Variants in NFKB1 observed in about 807,000 individuals in gnomAD.
NFKB1 encodes nuclear factor kappa B subunit 1, also known as nuclear factor NF-kappa-B p105 subunit.
A neutral mutation model predicts 105.1 loss-of-function variants in NFKB1; 9 were observed. The ratio of observed to expected loss-of-function variants is 0.09; its 90% CI spans 0.05 to 0.15. NFKB1 has a LOEUF of 0.15. Among genes scored for constraint, NFKB1 ranks in the 10% least tolerant of loss-of-function variants. The probability of loss-of-function intolerance (pLI) is 1.00; values close to 1 mark genes in which losing one functional copy is unlikely to be tolerated. For synonymous variants in NFKB1, 440 were observed against 442.2 expected, an observed-to-expected ratio of 1.00 and a Z score of 0.06; for missense variants, 830 against 1,203.7, an observed-to-expected ratio of 0.69 and a Z score of 4.59.
chr4:102,542,630 GT>G, intron 5 of NFKB1, among the ~76,000 whole-genome samples: 1 of 152,156 alleles, frequency 6.6e-6, no homozygotes, highest in Non-Finnish European at 1.5e-5. Flanking sequence ...TCCCCAAGAT[GT>G]TTTTATATTT....
rs77024822 is a variant in NFKB1, at chr4:102,535,631, G to C, written c.159+1746G>C. Reference sequence around the variant, plus strand: ...GATTAAAGGCAAAATTTTGATCTCAGAAATTTAGAATCAGAAATGCATCCA... The same window carrying C: ...GATTAAAGGCAAAATTTTGATCTCACAAATTTAGAATCAGAAATGCATCCA... On this transcript the variant is annotated intron_variant, in intron 4 of 23. Transcript: ENST00000226574. Among the ~76,000 whole-genome samples, 1,158 of 152,272 alleles carry C rather than the reference G, an allele frequency of 7.6e-3. 7 individuals are homozygous for C. Among genetic ancestry groups the C allele is most frequent in the African/African-American group, 0.022 (915 of 41,568 alleles).
chr4:102,502,944 T>C (rs990240129), intron 1 of NFKB1, among the ~76,000 whole-genome samples: 4 of 152,178 alleles, frequency 2.6e-5, no homozygotes, highest in Admixed American at 1.3e-4. Context: ...TATTCAATAA[T>C]TTTTTTCTAG....
Position 102,534,872 on chromosome 4 carries a change from G to A in NFKB1, c.159+987G>A, listed in dbSNP as rs184888559. 2.4e-3 allele frequency among the ~76,000 whole-genome samples: 364 copies of A among 152,264 alleles called. 1 individual carries two copies. The highest frequency in any genetic ancestry group is 8.5e-3 in the African/African-American group (352 of 41,554). ...CAAGCTTAAATAAAGCATCCACTGCGTTGTGGTTTCCAGAATCGTGACATT... is the reference window on the plus strand; with the variant it reads ...CAAGCTTAAATAAAGCATCCACTGCATTGTGGTTTCCAGAATCGTGACATT... On this transcript the variant is annotated intron_variant, in intron 4 of 23. Transcript: ENST00000226574.
chr4:102,593,939 C>T lies in NFKB1; in HGVS notation c.1210+371C>T, dbSNP rs1726390993. 3.3e-5 allele frequency among the ~76,000 whole-genome samples: 5 copies of T among 152,226 alleles called. No individual in the cohort carries two copies. The South Asian group carries it at 1.0e-3, about 32-fold the overall frequency. On this transcript the variant is annotated intron_variant, in intron 12 of 23. Transcript: ENST00000226574. ...CAATATAGCTATATATTAAACATCT[C>T]TATATACTACATTGTAGAAACTTTG...
intron 4 of NFKB1, among the ~76,000 whole-genome samples, chr4:102,536,218 G>C (rs4647993): frequency 2.6e-4 from 40 of 152,044 alleles, no homozygotes; most frequent in African/African-American, 9.4e-4. Context: ...AAAGGCATAG[G>C]GCTGAAATTG....
intron 11 of NFKB1, among the ~76,000 whole-genome samples, chr4:102,588,403 T>C (rs1725887915): frequency 6.6e-6 from 1 of 151,416 alleles, no homozygotes; most frequent in Non-Finnish European, 1.5e-5. Flanking sequence ...GAAGGATGAT[T>C]GGCAGAGGAG....
chr4:102,538,401 T>C (rs764704843), intron 5 of NFKB1, among the ~76,000 whole-genome samples: 25 of 152,236 alleles, frequency 1.6e-4, no homozygotes, highest in Non-Finnish European at 3.1e-4. Flanking sequence ...TGAATAGGTT[T>C]AACCAATACT....
At chr4:102,582,690 A>G (rs1445967517) in intron 9 of NFKB1, among the ~76,000 whole-genome samples, 176 bp from the exon 10 acceptor site, 1 of 152,228 alleles carries the variant, frequency 6.6e-6, no homozygotes, top group Non-Finnish European at 1.5e-5. Flanking sequence ...ACTGTGGTAA[A>G]TAATGAAAAA....
intron 6 of NFKB1, among the ~76,000 whole-genome samples, chr4:102,576,408 C>T (rs914247981): frequency 6.6e-6 from 1 of 152,082 alleles, no homozygotes; most frequent in African/African-American, 2.4e-5. Flanking sequence ...TTAAAATGAA[C>T]CCGGTAAGAC....
In NFKB1 at chr4:102,610,671, C is replaced by T; in HGVS notation, c.2324C>T (p.Thr775Met). The T allele has an allele frequency of 6.2e-7, 1 of 1,614,056 alleles. No homozygotes were observed. Among genetic ancestry groups the T allele is most frequent in the Non-Finnish European group, 8.5e-7 (1 of 1,179,948 alleles). The change falls in exon 20 of 24, where the codon ACG (threonine) becomes ATG (methionine). Residue 775 changes from threonine (T) to methionine (M), a missense_variant. Thr to Met is a moderately conservative substitution (Grantham distance 81). This residue lies in a region of NFKB1 where 418 missense variants were observed against 575.3 expected (regional missense o/e 0.73). Transcript: ENST00000226574. ...GEDEGVVPGT[T>M]PLDMATSWQV... ...GATGAAGGAGTTGTGCCTGGAACCACGCCTCTAGATATGGCCACCAGCTGG... is the reference window on the plus strand; with the variant it reads ...GATGAAGGAGTTGTGCCTGGAACCATGCCTCTAGATATGGCCACCAGCTGG...
chr4:102,613,693 C>A (rs1036486828), intron 23 of NFKB1, 112 bp downstream of exon 23: 9 of 1,261,214 alleles, frequency 7.1e-6, no homozygotes, highest in East Asian at 2.5e-5. Flanking sequence ...TCTGGATACA[C>A]TTCCCTGTGT....
chr4:102,549,343 A>G (rs1190897886), intron 5 of NFKB1, among the ~76,000 whole-genome samples: 1 of 149,258 alleles, frequency 6.7e-6, no homozygotes, highest in Non-Finnish European at 1.5e-5. Flanking sequence ...TGTTTTATAT[A>G]CATAAAATAA....
At chr4:102,540,171 T>C (rs1185429315) in intron 5 of NFKB1, among the ~76,000 whole-genome samples, 1 of 152,154 alleles carries the variant, frequency 6.6e-6, no homozygotes, top group Non-Finnish European at 1.5e-5. Flanking sequence ...GCACAAAAAA[T>C]ATAAATTATG....
intron 1 of NFKB1, 61 bp from the exon 2 acceptor site, chr4:102,525,448 GTGA>G (rs1740848702): frequency 6.8e-7 from 1 of 1,473,534 alleles, no homozygotes; most frequent in Admixed American, 1.7e-5. Context: ...GAATTCCATG[GTGA>G]TAGAATTTTT....
intron 1 of NFKB1, among the ~76,000 whole-genome samples, chr4:102,518,361 T>G (rs1346292702): frequency 6.6e-6 from 1 of 152,176 alleles, no homozygotes; most frequent in Non-Finnish European, 1.5e-5. Context: ...GCTACTATAC[T>G]TGCCTCTTTT....
chr4:102,545,558 G>A (rs1193630879), intron 5 of NFKB1, among the ~76,000 whole-genome samples: 1 of 152,080 alleles, frequency 6.6e-6, no homozygotes, highest in African/African-American at 2.4e-5. Context: ...TTCAGTTCAT[G>A]CCATATGGTT....
At chr4:102,552,450 G>GT (rs1287724351) in intron 5 of NFKB1, among the ~76,000 whole-genome samples, 1 of 152,170 alleles carries the variant, frequency 6.6e-6, no homozygotes, top group Non-Finnish European at 1.5e-5. Context: ...GACAAAGTGA[G>GT]TTCATTGTCA....
chr4:102,571,182 C>G (rs1478568203), intron 6 of NFKB1, among the ~76,000 whole-genome samples: 23 of 152,158 alleles, frequency 1.5e-4, no homozygotes, highest in Non-Finnish European at 3.1e-4. Flanking sequence ...TAATACCGTA[C>G]ATCTACAACT....
intron 1 of NFKB1, among the ~76,000 whole-genome samples, chr4:102,512,883 T>G (rs1156803867): frequency 1.3e-5 from 2 of 152,224 alleles, no homozygotes; most frequent in Non-Finnish European, 2.9e-5. Flanking sequence ...AAAGGACATA[T>G]TTTTATGGAT....
Sources: gnomAD v4.1 joint callset for allele counts (sites outside exome capture counted in the v4.1 genomes callset) on GRCh38, gnomAD v4.1.1 for gene constraint, gnomAD v4.1.1 regional missense constraint, MANE v1.5 for transcripts, NCBI Gene and HGNC (gene_info 2026-07-23, HGNC 2026-07-21) for gene names.